DCC: variants seen among roughly 807,000 people sequenced by gnomAD.
DCC encodes DCC netrin 1 receptor.
DCC carries 58 observed loss-of-function variants against 172.5 expected under a neutral mutation model. The ratio of observed to expected loss-of-function variants is 0.34; its 90% CI spans 0.27 to 0.42. DCC has a LOEUF of 0.42. Among genes scored for constraint, DCC ranks in the 10% least tolerant of loss-of-function variants. The pLI is 1.00. For synonymous variants in DCC, 709 were observed against 644.5 expected (o/e 1.10, Z -1.52); for missense variants, 1,740 against 1,791.0 (o/e 0.97, Z 0.51).
At chr18:52,889,284 A>G (rs1296103915) in intron 2 of DCC, among the ~76,000 whole-genome samples, 6 of 152,134 alleles carry the variant, frequency 3.9e-5, no homozygotes, top group Non-Finnish European at 7.4e-5. Flanking sequence ...AGATTTGTAT[A>G]TATTCAGATC....
chr18:52,524,380 C>T (rs771290538), intron 1 of DCC, among the ~76,000 whole-genome samples: 16 of 152,154 alleles, frequency 1.1e-4, no homozygotes, highest in Non-Finnish European at 2.1e-4. Context: ...ATTTGCAATG[C>T]TTCAAACATT....
intron 9 of DCC, among the ~76,000 whole-genome samples, chr18:53,183,000 G>C (rs746676384): frequency 6.6e-6 from 1 of 152,026 alleles, no homozygotes; most frequent in Non-Finnish European, 1.5e-5. Context: ...TTGAAAATGG[G>C]TCTCAGCTGA....
At chr18:53,409,925 T>C (rs1909883005) in intron 19 of DCC, among the ~76,000 whole-genome samples, 1 of 152,164 alleles carries the variant, frequency 6.6e-6, no homozygotes, top group Non-Finnish European at 1.5e-5. Context: ...ACCTGCAGCT[T>C]CACCGTCTGT....
At chr18:52,986,239 C>G (rs1043078249) in intron 5 of DCC, among the ~76,000 whole-genome samples, 2 of 152,140 alleles carry the variant, frequency 1.3e-5, no homozygotes, top group African/African-American at 4.8e-5. Context: ...ACTTAAGTCT[C>G]ATTCCTACCT....
At chr18:52,802,635 C>T (rs1320645523) in intron 2 of DCC, among the ~76,000 whole-genome samples, 57 of 134,106 alleles carry the variant, frequency 4.3e-4, no homozygotes, top group African/African-American at 8.9e-4. Context: ...CACATCACCA[C>T]GCCAAGCCTT....
chr18:53,079,733 A>T (rs2042771855), intron 7 of DCC, among the ~76,000 whole-genome samples: 2 of 152,156 alleles, frequency 1.3e-5, no homozygotes, highest in Admixed American at 1.3e-4. Context: ...GTGACATCTG[A>T]GTTGAAATGG....
At chr18:53,501,427 G>T (rs1465261005) in intron 27 of DCC, among the ~76,000 whole-genome samples, 1 of 151,892 alleles carries the variant, frequency 6.6e-6, no homozygotes, top group Non-Finnish European at 1.5e-5. Context: ...TGTTTAATAA[G>T]AAAAAGACTA....
At chr18:53,343,320 A>T (rs1241940420) in intron 15 of DCC, among the ~76,000 whole-genome samples, 1 of 151,974 alleles carries the variant, frequency 6.6e-6, no homozygotes, top group Non-Finnish European at 1.5e-5. Flanking sequence ...GCCTTTTGTG[A>T]GATTAAAGAA....
At chr18:53,184,471 A>G (rs539816755) in intron 9 of DCC, among the ~76,000 whole-genome samples, 2 of 152,196 alleles carry the variant, frequency 1.3e-5, no homozygotes, top group Non-Finnish European at 2.9e-5. Context: ...GGTATAGTCT[A>G]CTACACACCT....
chr18:52,746,507 A>T (rs2036907562), intron 1 of DCC, among the ~76,000 whole-genome samples: 1 of 152,284 alleles, frequency 6.6e-6, no homozygotes, highest in Non-Finnish European at 1.5e-5. Flanking sequence ...TATTTTTTAC[A>T]CTTAACAATG....
At chr18:53,124,775 G>C (rs1024461814) in intron 7 of DCC, among the ~76,000 whole-genome samples, 4 of 151,976 alleles carry the variant, frequency 2.6e-5, no homozygotes, top group African/African-American at 9.7e-5. Flanking sequence ...AGACCAGCCT[G>C]GTCAACATAG....
intron 3 of DCC, among the ~76,000 whole-genome samples, chr18:52,914,221 TA>T (rs58188187): frequency 5.3e-5 from 8 of 151,172 alleles, no homozygotes; most frequent in South Asian, 2.1e-4. Flanking sequence ...AATCTAAAAA[TA>T]AAAAAAAATC....
At chr18:52,896,675 T>C (rs920201151) in intron 2 of DCC, among the ~76,000 whole-genome samples, 2 of 152,212 alleles carry the variant, frequency 1.3e-5, no homozygotes, top group Non-Finnish European at 1.5e-5. Context: ...ATTAAAATGC[T>C]ACCTAGAACA....
intron 27 of DCC, among the ~76,000 whole-genome samples, chr18:53,507,711 T>A (rs904121171): frequency 4.6e-5 from 7 of 152,176 alleles, no homozygotes; most frequent in Admixed American, 1.3e-4. Context: ...TTGAAATGAA[T>A]AATTGCACGT....
chr18:52,955,888 G>T (rs1181975977), intron 5 of DCC, among the ~76,000 whole-genome samples: 1 of 151,566 alleles, frequency 6.6e-6, no homozygotes, highest in Non-Finnish European at 1.5e-5. Flanking sequence ...GTTTATGTCT[G>T]TTGCCCATTT....
At chr18:52,805,431 T>C (rs191809372) in intron 2 of DCC, among the ~76,000 whole-genome samples, 6 of 152,254 alleles carry the variant, frequency 3.9e-5, no homozygotes, top group Admixed American at 2.6e-4. Context: ...AAAAAAATTA[T>C]ATGAATTTTT....
chr18:53,410,756 G>T lies in DCC; in HGVS notation c.3130+110G>T, dbSNP rs577623165. The T allele has an allele frequency of 8.1e-6, 6 of 738,168 alleles. No individual in the cohort carries two copies. In the East Asian group the frequency reaches 1.3e-4, roughly 16 times the overall value. The allele number at this position is 738,168 out of a possible 1,614,324, so 45.7% of individuals were successfully genotyped here. On this transcript the variant is annotated intron_variant, in intron 20 of 28. Transcript: ENST00000442544. Reference sequence around the variant, plus strand: ...CACCATCTCTATTAGCAACATGGCTGCAGTGGACATTCAAAATAAATTAAA... The same window carrying T: ...CACCATCTCTATTAGCAACATGGCTTCAGTGGACATTCAAAATAAATTAAA...
intron 1 of DCC, among the ~76,000 whole-genome samples, chr18:52,641,920 G>A (rs768449144): frequency 6.6e-5 from 10 of 151,328 alleles, no homozygotes; most frequent in Non-Finnish European, 1.2e-4. Flanking sequence ...AAACATGCAT[G>A]TTTATAGCAG....
At chr18:52,926,991 A>T (rs1486416315) in intron 5 of DCC, among the ~76,000 whole-genome samples, 2 of 140,314 alleles carry the variant, frequency 1.4e-5, no homozygotes, top group African/African-American at 2.5e-5. Context: ...ATGGATATAT[A>T]TTTTGTAATT....
Sources: gnomAD v4.1 joint callset for allele counts (sites outside exome capture counted in the v4.1 genomes callset) on GRCh38, gnomAD v4.1.1 for gene constraint, MANE v1.5 for transcripts, NCBI Gene and HGNC (gene_info 2026-07-23, HGNC 2026-07-21) for gene names.